Variants in IL23R observed in about 807,000 individuals in gnomAD.
IL23R encodes the protein interleukin-23 receptor.
A neutral mutation model predicts 56.9 loss-of-function variants in IL23R; 34 were observed. That is an observed-to-expected ratio of 0.60 (90% CI 0.45 to 0.80). IL23R has a LOEUF of 0.80. Among genes scored for constraint, IL23R ranks in the 30% least tolerant of loss-of-function variants. IL23R has a pLI of 0.00. For missense variants in IL23R, 635 were observed against 730.0 expected (o/e 0.87, Z 1.50); for synonymous variants, 230 against 249.2 (o/e 0.92, Z 0.73).
intron 6 of IL23R, among the ~76,000 whole-genome samples, chr1:67,211,566 T>G (rs1447709525): frequency 2.0e-5 from 3 of 151,158 alleles, no homozygotes; most frequent in Non-Finnish European, 1.5e-5. Flanking sequence ...GAGGTTGCAA[T>G]GAGCCAAGAT....
At chr1:67,207,325 C>A in intron 6 of IL23R, 1 of 514,634 alleles carries the variant, frequency 1.9e-6, no homozygotes, top group Non-Finnish European at 3.5e-6. Context: ...GCATAGTTAC[C>A]AATAATTTGC....
intron 9 of IL23R, among the ~76,000 whole-genome samples, chr1:67,253,475 A>G (rs1570930088): frequency 6.6e-6 from 1 of 152,214 alleles, no homozygotes; most frequent in Non-Finnish European, 1.5e-5. Flanking sequence ...CCTTCTTGCC[A>G]TCATTTGCTT....
chr1:67,237,262 A>G (rs986038705), intron 8 of IL23R, among the ~76,000 whole-genome samples: 3 of 152,014 alleles, frequency 2.0e-5, no homozygotes, highest in Non-Finnish European at 2.9e-5. Context: ...ACTGGTCTTG[A>G]ACTCCTGACC....
At chr1:67,225,314 A>G (rs994402812) in intron 7 of IL23R, among the ~76,000 whole-genome samples, 1 of 152,228 alleles carries the variant, frequency 6.6e-6, no homozygotes, top group Non-Finnish European at 1.5e-5. Flanking sequence ...AAACCATAGT[A>G]CTATAGGAGG....
chr1:67,205,003 C>A (rs920343197), intron 5 of IL23R, among the ~76,000 whole-genome samples: 3 of 152,142 alleles, frequency 2.0e-5, no homozygotes, highest in African/African-American at 7.2e-5. Flanking sequence ...TGGTCTTGAA[C>A]TCCTGACCTC....
chr1:67,163,880 A>G (rs1326785202), upstream of IL23R, among the ~76,000 whole-genome samples: 1 of 152,208 alleles, frequency 6.6e-6, no homozygotes, highest in African/African-American at 2.4e-5. Flanking sequence ...TTATTCCTGT[A>G]TGGTAACACA....
At chr1:67,173,426 T>C (rs11209010) in intron 3 of IL23R, among the ~76,000 whole-genome samples, 5,197 of 152,228 alleles carry the variant, frequency 0.034, 304 homozygotes, top group African/African-American at 0.12. Flanking sequence ...ACTCTGTATC[T>C]GAAACCAGAG....
chr1:67,217,899 CTT>C (rs879736784), intron 6 of IL23R, among the ~76,000 whole-genome samples: 3 of 141,672 alleles, frequency 2.1e-5, no homozygotes, highest in Non-Finnish European at 4.7e-5. Context: ...ATACCTCATT[CTT>C]TTTTTTTTTT....
chr1:67,206,454 G>T (rs931324613), intron 5 of IL23R, among the ~76,000 whole-genome samples: 3 of 152,046 alleles, frequency 2.0e-5, no homozygotes, highest in African/African-American at 4.8e-5. Context: ...GGAATTTCAG[G>T]CACACATCAC....
At chr1:67,244,409 T>C (rs528073194) in intron 9 of IL23R, among the ~76,000 whole-genome samples, 74 of 152,362 alleles carry the variant, frequency 4.9e-4, no homozygotes, top group African/African-American at 1.8e-3. Flanking sequence ...TGAATGGTAT[T>C]ATCTAGGTAT....
At chr1:67,239,828 A>C (rs1308547090) in intron 8 of IL23R, among the ~76,000 whole-genome samples, 1 of 152,224 alleles carries the variant, frequency 6.6e-6, no homozygotes, top group African/African-American at 2.4e-5. Context: ...ACATTGTTAC[A>C]GCAATTGGGA....
At chr1:67,228,636 C>T (rs1650901587) in intron 7 of IL23R, among the ~76,000 whole-genome samples, 1 of 152,136 alleles carries the variant, frequency 6.6e-6, no homozygotes, top group Non-Finnish European at 1.5e-5. Context: ...AATCCAAAAT[C>T]ACAACCACTG....
chr1:67,144,362 G>A (rs1646662458), intron 1 of IL23R, among the ~76,000 whole-genome samples: 1 of 152,180 alleles, frequency 6.6e-6, no homozygotes, highest in African/African-American at 2.4e-5. Flanking sequence ...GAAACAGGAA[G>A]ATCCTTTTTA....
chr1:67,158,150 A>G (rs1019494757), intron 1 of IL23R, among the ~76,000 whole-genome samples: 1 of 151,934 alleles, frequency 6.6e-6, no homozygotes, highest in Non-Finnish European at 1.5e-5. Context: ...CAGGAAGCTG[A>G]GTTTGCAGTG....
chr1:67,216,078 T>G (rs539462866), intron 6 of IL23R, among the ~76,000 whole-genome samples: 1 of 152,344 alleles, frequency 6.6e-6, no homozygotes, highest in African/African-American at 2.4e-5. Flanking sequence ...TGTATCTTTA[T>G]GGGCTGTCTC....
chr1:67,161,136 C>T (rs887187511), intron 1 of IL23R, among the ~76,000 whole-genome samples: 2 of 152,136 alleles, frequency 1.3e-5, no homozygotes, highest in Non-Finnish European at 2.9e-5. Flanking sequence ...TTGAAGCAGA[C>T]AGAACAAGCG....
At chr1:67,221,492 C>G (rs1421189278) in intron 7 of IL23R, among the ~76,000 whole-genome samples, 1 of 152,176 alleles carries the variant, frequency 6.6e-6, no homozygotes, top group Admixed American at 6.5e-5. Flanking sequence ...TATTTTCCTG[C>G]TTCTAATATT....
chr1:67,146,357 C>G (rs141821772), intron 1 of IL23R, among the ~76,000 whole-genome samples: 3 of 152,126 alleles, frequency 2.0e-5, no homozygotes, highest in African/African-American at 7.2e-5. Flanking sequence ...GATCTCTACA[C>G]GGGTGTGGTC....
chr1:67,213,920 A>C lies in IL23R; in HGVS notation c.799-5654A>C, dbSNP rs1384303944. ...TTTACAAACATCTTGCTCCCACCTC[A>C]TTTACCTCTCTCCCTTCTGAATTCC... On this transcript the variant is annotated intron_variant, in intron 6 of 10. Transcript: ENST00000347310. Among the ~76,000 whole-genome samples the C allele has an allele frequency of 2.0e-5, 3 of 152,280 alleles. No individual in the cohort carries two copies. In the East Asian group the frequency reaches 5.8e-4, roughly 29 times the overall value.
Sources: allele counts gnomAD v4.1 joint callset (sites outside exome capture counted in the v4.1 genomes callset), GRCh38; gene constraint gnomAD v4.1.1; transcripts MANE v1.5; gene names NCBI Gene and HGNC (gene_info 2026-07-23, HGNC 2026-07-21).